The following SSBP1 variants were observed in gnomAD, a reference collection of about 807,000 sequenced individuals.
SSBP1 encodes single stranded DNA binding protein 1, also known as single-stranded DNA-binding protein, mitochondrial.
SSBP1 carries 20 observed loss-of-function variants against 27.0 expected under a neutral mutation model. That is an observed-to-expected ratio of 0.74 (90% CI 0.52 to 1.08). The LOEUF is 1.08. Among genes scored for constraint, SSBP1 ranks in the 50% least tolerant of loss-of-function variants. SSBP1 has a pLI of 0.00. For missense variants in SSBP1, 137 were observed against 182.4 expected (o/e 0.75, Z 1.44); for synonymous variants, 59 against 59.3 (o/e 1.00, Z 0.02).
At chr7:141,747,124 G>A (rs1306533249) in intron 6 of SSBP1, among the ~76,000 whole-genome samples, 1 of 152,036 alleles carries the variant, frequency 6.6e-6, no homozygotes, top group Non-Finnish European at 1.5e-5. Context: ...CATTAAAGTT[G>A]TTTTTAGTAC....
intron 5 of SSBP1, among the ~76,000 whole-genome samples, chr7:141,745,179 A>C (rs1478895616): frequency 6.6e-6 from 1 of 152,244 alleles, no homozygotes; most frequent in African/African-American, 2.4e-5. Context: ...AAGGAAAATG[A>C]TACATTGGAA....
chr7:141,743,400 A>G (rs1487379048), intron 3 of SSBP1, among the ~76,000 whole-genome samples, 161 bp from the exon 4 acceptor site: 1 of 152,130 alleles, frequency 6.6e-6, no homozygotes, highest in African/African-American at 2.4e-5. Context: ...GGGACACCTC[A>G]CCCTCATGAC....
chr7:141,745,247 A>G lies in SSBP1; in HGVS notation c.315-249A>G, dbSNP rs1799733116. 2.0e-5 allele frequency among the ~76,000 whole-genome samples: 3 copies of G among 152,132 alleles called. No individual in the cohort carries two copies. The South Asian group carries it at 6.2e-4, about 31-fold the overall frequency. ...ATTTCCCTTTGAACTGTTTTGTTTTATTTTTTAACTTCCGTAAGAGAAATA... is the reference window on the plus strand; with the variant it reads ...ATTTCCCTTTGAACTGTTTTGTTTTGTTTTTTAACTTCCGTAAGAGAAATA... On this transcript the variant is annotated intron_variant, in intron 5 of 6. Transcript: ENST00000265304.
In SSBP1 at chr7:141,742,197, C is replaced by G. The variant is rs1799562874; in HGVS notation, c.53C>G (p.Ser18Cys). The G allele has an allele frequency of 8.1e-6, 13 of 1,602,878 alleles. No homozygotes were observed. Among genetic ancestry groups the G allele is most frequent in the Non-Finnish European group, 1.1e-5 (13 of 1,171,066 alleles). The change falls in exon 3 of 7, where the codon TCC becomes TGC. Residue 18 changes from serine (S) to cysteine (C), a missense_variant. Ser to Cys is a moderately radical substitution (Grantham distance 112, BLOSUM62 -1). Around this residue, in one of 2 missense-constraint regions of SSBP1, gnomAD observed 42 missense variants for 30.4 expected, o/e 1.38. Coordinates refer to ENST00000265304, the MANE Select transcript of SSBP1 (RefSeq NM_003143.3). ...QVLRQFVRHE[S>C]ETTTSLVLER... The stretch of plus-strand genomic sequence containing the variant: ...CTTCGTCAGTTTGTAAGACATGAGT[C>G]CGAAACAACTACCAGTTTGGTTCTT...
At chr7:141,745,787 T>C (rs1799760128) in intron 6 of SSBP1, 3 of 1,311,868 alleles carry the variant, frequency 2.3e-6, no homozygotes, top group Non-Finnish European at 9.7e-7. Flanking sequence ...ATTTTTATAC[T>C]TACAGTTTTA....
chr7:141,748,837 A>C (rs1319512319), intron 6 of SSBP1, among the ~76,000 whole-genome samples: 1 of 152,214 alleles, frequency 6.6e-6, no homozygotes, highest in Admixed American at 6.5e-5. Context: ...GTAACTAAAA[A>C]ACCACCACCA....
chr7:141,747,610 G>A (rs1799831812), intron 6 of SSBP1, among the ~76,000 whole-genome samples: 2 of 151,486 alleles, frequency 1.3e-5, no homozygotes, highest in African/African-American at 2.4e-5. Flanking sequence ...GGCTGGTCTC[G>A]AACTCCTGAC....
At chr7:141,743,462 A>G (rs189606461) in intron 3 of SSBP1, 99 bp from the exon 4 acceptor site, 13 of 1,397,696 alleles carry the variant, frequency 9.3e-6, no homozygotes, top group African/African-American at 1.4e-5. Context: ...ATACCATTAC[A>G]TTGAGGGTTA....
chr7:141,738,454 C>G (rs1355816447), intron 1 of SSBP1, 44 bp downstream of exon 1: 2 of 152,876 alleles, frequency 1.3e-5, no homozygotes, highest in African/African-American at 4.8e-5. Flanking sequence ...GTGCTGGAGT[C>G]GTGTGTTTTG....
chr7:141,740,973 A>T (rs1799505267), intron 2 of SSBP1: 1 of 152,194 alleles, frequency 6.6e-6, no homozygotes, highest in Admixed American at 6.5e-5. Context: ...AGACACAGGG[A>T]ATCTGACTTT....
intron 6 of SSBP1, among the ~76,000 whole-genome samples, chr7:141,748,596 T>G (rs1486188492): frequency 6.6e-6 from 1 of 152,132 alleles, no homozygotes; most frequent in African/African-American, 2.4e-5. Flanking sequence ...AACTTTAGAT[T>G]GTTCGGATTA....
chr7:141,742,277 C>T, intron 3 of SSBP1, 48 bp downstream of exon 3: 1 of 1,438,078 alleles, frequency 7.0e-7, no homozygotes, highest in Non-Finnish European at 9.8e-7. Context: ...AGTAATTTGC[C>T]AATCTCAAAT....
Position 141,750,345 on chromosome 7 carries a change from GA to G in SSBP1, c.440del (p.Lys147ArgfsTer32). ...TATTTCTGAGTGACCAGACGAAAGAGAAGGAGTAGAAAGGATGATTCTTCTT... is the reference window on the plus strand; with the variant it reads ...TATTTCTGAGTGACCAGACGAAAGAGAGGAGTAGAAAGGATGATTCTTCTT... ...IIFLSDQTKEKE is the reference protein window; with the variant it reads ...IIFLSDQTKEXE On this transcript the variant is annotated frameshift_variant, in exon 7 of 7. Transcript: ENST00000265304. LOFTEE classifies it high-confidence loss of function. 1 of 1,600,818 alleles carries G rather than the reference GA, an allele frequency of 6.2e-7. No individual in the cohort carries two copies. Among genetic ancestry groups the G allele is most frequent in the Non-Finnish European group, 8.5e-7 (1 of 1,175,998 alleles).
intron 3 of SSBP1, 64 bp from the exon 4 acceptor site, chr7:141,743,497 G>A: frequency 1.3e-6 from 2 of 1,563,522 alleles, no homozygotes; most frequent in Non-Finnish European, 1.7e-6. Context: ...AAATTTTGGG[G>A]GAAGGGGCAC....
chr7:141,739,272 A>G, intron 2 of SSBP1, 82 bp downstream of exon 2: 1 of 1,200,340 alleles, frequency 8.3e-7, no homozygotes, highest in South Asian at 1.6e-5. Context: ...TTTTAACTAC[A>G]GGGGCAAAAG....
At chr7:141,745,823 C>G in intron 6 of SSBP1, 2 of 1,264,536 alleles carry the variant, frequency 1.6e-6, no homozygotes, top group Non-Finnish European at 2.0e-6. Context: ...TGAATAAAGC[C>G]TAAAACTGAA....
At chr7:141,749,646 G>T (rs1418359995) in intron 6 of SSBP1, among the ~76,000 whole-genome samples, 1 of 152,092 alleles carries the variant, frequency 6.6e-6, no homozygotes, top group African/African-American at 2.4e-5. Flanking sequence ...GCCAGGCATG[G>T]TGGTGCACAC....
chr7:141,745,705 TAGA>T (rs1444340224), intron 6 of SSBP1, 121 bp downstream of exon 6: 3 of 1,450,990 alleles, frequency 2.1e-6, no homozygotes, highest in Admixed American at 2.7e-5. Context: ...GGCAACTCAC[TAGA>T]AGATGTCCAT....
At position 141,742,244 on chromosome 7, in the gene SSBP1, T is replaced by C; in HGVS notation, c.85+15T>C. ...TCTTGAAAGATGTAAGTAGCTAATT[T>C]CCAAGTTTAAAATGTTATTTTTAGT... is the stretch of plus-strand genomic sequence containing the variant. On this transcript the variant is annotated intron_variant, in intron 3 of 6. Coordinates refer to ENST00000265304, the MANE Select transcript of SSBP1 (RefSeq NM_003143.3). The C allele has an allele frequency of 6.3e-7, 1 of 1,588,736 alleles. No individual in the cohort carries two copies. The highest frequency in any genetic ancestry group is 2.2e-5 in the East Asian group (1 of 44,598).
Sources: gnomAD v4.1 joint callset for allele counts (sites outside exome capture counted in the v4.1 genomes callset) on GRCh38, gnomAD v4.1.1 for gene constraint, gnomAD v4.1.1 regional missense constraint, MANE v1.5 for transcripts, NCBI Gene and HGNC (gene_info 2026-07-23, HGNC 2026-07-21) for gene names.